The following FBXO34 variants were observed in gnomAD, a reference collection of about 807,000 sequenced individuals.
The protein encoded by FBXO34 is F-box protein 34.
In FBXO34, 12 loss-of-function variants were observed where a neutral mutation model predicts 24.5. The observed-to-expected ratio is 0.49, with a 90% confidence interval of 0.31 to 0.79. FBXO34 has a LOEUF of 0.79. FBXO34 is among the 30% of genes least tolerant of loss of function. The pLI, the probability that FBXO34 is intolerant of heterozygous loss-of-function variation, is 0.04. For missense variants in FBXO34, 823 were observed against 857.7 expected (o/e 0.96, Z 0.51); for synonymous variants, 320 against 311.9 (o/e 1.03, Z -0.27).
At chr14:55,280,837 A>G (rs1004102327) in intron 1 of FBXO34, among the ~76,000 whole-genome samples, 6 of 152,138 alleles carry the variant, frequency 3.9e-5, no homozygotes, top group Middle Eastern at 3.4e-3. Context: ...TATATCAGGA[A>G]CTTGAGCATC....
the FBXO34 span, among the ~76,000 whole-genome samples, chr14:55,421,969 T>C: frequency 3.3e-5 from 5 of 152,192 alleles, no homozygotes; most frequent in African/African-American, 4.8e-5. Context: ...TTTGGAGGAA[T>C]ATACATTTAA....
At chr14:55,382,602 T>C in the FBXO34 span, among the ~76,000 whole-genome samples, 1 of 152,164 alleles carries the variant, frequency 6.6e-6, no homozygotes, top group African/African-American at 2.4e-5. Flanking sequence ...TGAGCTACCG[T>C]GACCAGCCAA....
chr14:55,329,212 A>T (rs150651502), intron 1 of FBXO34, among the ~76,000 whole-genome samples: 2 of 145,078 alleles, frequency 1.4e-5, no homozygotes, highest in African/African-American at 2.5e-5. Flanking sequence ...AATTGTTTCA[A>T]TTTAATTTTA....
the FBXO34 span, chr14:55,411,931 C>T: frequency 3.0e-6 from 3 of 1,003,862 alleles, no homozygotes; most frequent in Admixed American, 8.1e-5. Context: ...GGCGAGCCCC[C>T]GGACCCCTCC....
At chr14:55,366,990 C>T (rs896919868) in intron 2 of FBXO34, 20 of 152,560 alleles carry the variant, frequency 1.3e-4, no homozygotes, top group African/African-American at 4.8e-4. Flanking sequence ...TGTTCAAAAC[C>T]ACAAAAGGGT....
At chr14:55,424,928 A>C in the FBXO34 span, among the ~76,000 whole-genome samples, 1 of 152,202 alleles carries the variant, frequency 6.6e-6, no homozygotes, top group African/African-American at 2.4e-5. Context: ...TGAGGAACCT[A>C]CCAAAAAGAA....
chr14:55,440,098 A>AATC, the FBXO34 span, among the ~76,000 whole-genome samples: 1 of 151,238 alleles, frequency 6.6e-6, no homozygotes, highest in African/African-American at 2.4e-5. Flanking sequence ...TCTCAGAGAA[A>AATC]AATCAATCAA....
At chr14:55,439,287 A>G in the FBXO34 span, among the ~76,000 whole-genome samples, 8 of 151,202 alleles carry the variant, frequency 5.3e-5, no homozygotes, top group Non-Finnish European at 7.4e-5. Context: ...TTAAAAAAAA[A>G]AAAAAAAGCC....
chr14:55,367,395 C>T (rs1027229150), exon 3 of FBXO34: 1 of 152,188 alleles, frequency 6.6e-6, no homozygotes, highest in African/African-American at 2.4e-5. Context: ...AATGGAAGCC[C>T]AGCAATCAAT....
At chr14:55,440,688 T>C in the FBXO34 span, 1 of 966,408 alleles carries the variant, frequency 1.0e-6, no homozygotes. Flanking sequence ...GGAGATGGGC[T>C]AGGGGTGGGC....
chr14:55,414,183 GTTTT>G, the FBXO34 span: 1 of 538,338 alleles, frequency 1.9e-6, no homozygotes, highest in East Asian at 3.2e-5. Context: ...TACTTGTTCA[GTTTT>G]TAAAATAACA....
chr14:55,303,303 A>G (rs1404867277), intron 1 of FBXO34, among the ~76,000 whole-genome samples: 2 of 152,146 alleles, frequency 1.3e-5, no homozygotes. Context: ...TCAGCTGGAT[A>G]CTCTGCTAAG....
the FBXO34 span, among the ~76,000 whole-genome samples, chr14:55,409,139 A>G: frequency 1.3e-5 from 2 of 152,226 alleles, no homozygotes; most frequent in Non-Finnish European, 2.9e-5. Flanking sequence ...TAGATTCAAG[A>G]TATATTTTCA....
At chr14:55,316,498 G>C (rs1382307761) in intron 1 of FBXO34, among the ~76,000 whole-genome samples, 1 of 151,530 alleles carries the variant, frequency 6.6e-6, no homozygotes, top group African/African-American at 2.4e-5. Flanking sequence ...AGGTAGAGGT[G>C]GGTGAATCCC....
chr14:55,427,339 A>G, the FBXO34 span, among the ~76,000 whole-genome samples: 1 of 152,350 alleles, frequency 6.6e-6, no homozygotes, highest in South Asian at 2.1e-4. Context: ...ACATGTCAAA[A>G]GAAAAATAAG....
intron 1 of FBXO34, among the ~76,000 whole-genome samples, chr14:55,323,222 TA>T (rs1566555876): frequency 8.1e-4 from 22 of 27,220 alleles, no homozygotes; most frequent in Non-Finnish European, 9.1e-4. Context: ...AAAAAAAATA[TA>T]TATTTTTTTT....
At chr14:55,429,607 T>A in the FBXO34 span, among the ~76,000 whole-genome samples, 3 of 151,112 alleles carry the variant, frequency 2.0e-5, no homozygotes, top group East Asian at 3.9e-4. Flanking sequence ...CTACTAAAAA[T>A]ACAAAAAAAT....
At chr14:55,275,173 A>C (rs1881291917) in intron 1 of FBXO34, among the ~76,000 whole-genome samples, 1 of 152,214 alleles carries the variant, frequency 6.6e-6, no homozygotes, top group Admixed American at 6.5e-5. Flanking sequence ...AGAACTTATC[A>C]ACCTTTCATT....
At chr14:55,358,334 G>A (rs552547996), downstream of FBXO34, among the ~76,000 whole-genome samples, 1 of 152,308 alleles carries the variant, frequency 6.6e-6, no homozygotes, top group South Asian at 2.1e-4. Flanking sequence ...CTTGAAATGA[G>A]TAAATTCAAG....
Sources: allele counts gnomAD v4.1 joint callset (sites outside exome capture counted in the v4.1 genomes callset), GRCh38; gene constraint gnomAD v4.1.1; transcripts MANE v1.5; gene names NCBI Gene and HGNC (gene_info 2026-07-23, HGNC 2026-07-21).